Variants in DNAH12 observed in about 807,000 individuals in gnomAD.
The protein encoded by DNAH12 is dynein axonemal heavy chain 12.
Under a neutral mutation model 371.5 loss-of-function variants are expected in DNAH12, and 285 were observed. That is an observed-to-expected ratio of 0.77 (90% CI 0.70 to 0.85). The LOEUF (loss-of-function observed/expected upper bound fraction) is 0.85, where lower values mean the gene tolerates loss of function less well. Among genes scored for constraint, DNAH12 ranks in the 40% least tolerant of loss-of-function variants. The pLI, the probability that DNAH12 is intolerant of heterozygous loss-of-function variation, is 0.00. For synonymous variants in DNAH12, 1,200 were observed against 1,213.0 expected (o/e 0.99, Z 0.22); for missense variants, 3,611 against 3,689.4 (o/e 0.98, Z 0.55).
chr3:57,466,275 A>G (rs372725337), intron 17 of DNAH12, among the ~76,000 whole-genome samples: 1 of 152,214 alleles, frequency 6.6e-6, no homozygotes, highest in Non-Finnish European at 1.5e-5. Context: ...TATATGTAAT[A>G]AAACTCTGGA....
chr3:57,405,995 A>G (rs1166019884), intron 40 of DNAH12, 43 bp from the exon 41 acceptor site: 2 of 1,498,012 alleles, frequency 1.3e-6, no homozygotes, highest in East Asian at 2.5e-5. Flanking sequence ...AAATGCTTAT[A>G]ATCAGTAAAG....
chr3:57,541,103 G>T (rs1313867951), intron 2 of DNAH12, among the ~76,000 whole-genome samples: 2 of 151,062 alleles, frequency 1.3e-5, no homozygotes, highest in African/African-American at 4.9e-5. Flanking sequence ...GCAGTGGTGT[G>T]ATCTCAGCTC....
intron 11 of DNAH12, among the ~76,000 whole-genome samples, chr3:57,494,553 C>A (rs1559718948): frequency 6.6e-6 from 1 of 152,002 alleles, no homozygotes; most frequent in Non-Finnish European, 1.5e-5. Flanking sequence ...CAGAGTGAGA[C>A]CCTGTCTAAA....
At chr3:57,473,741 AAAT>A (rs1458309350) in intron 13 of DNAH12, among the ~76,000 whole-genome samples, 3 of 150,772 alleles carry the variant, frequency 2.0e-5, no homozygotes, top group Admixed American at 6.6e-5. Flanking sequence ...TATGTATTGA[AAAT>A]AACATTAAAT....
At position 57,472,630 on chromosome 3, in the gene DNAH12, T is replaced by C; in HGVS notation, c.1692A>G (p.Leu564=). Residue 564 remains leucine (L), a synonymous_variant, in exon 14 of 74, where the codon CTA becomes CTG. Coordinates refer to ENST00000495027, the MANE Select transcript of DNAH12 (RefSeq NM_001366028.2). ...TTAAAGCTAAGTCTTCTTGAGGAAATAGGAAAACATCTAAAAAGTAACTCA... is the reference window on the plus strand; with the variant it reads ...TTAAAGCTAAGTCTTCTTGAGGAAACAGGAAAACATCTAAAAAGTAACTCA... ...RQMSYFLDVF[L]FPQEDLALNA... is the part of the protein sequence containing the mutation. 1.3e-6 allele frequency: 2 copies of C among 1,551,044 alleles called. No individual in the cohort carries two copies. Among genetic ancestry groups the C allele is most frequent in the African/African-American group, 1.4e-5 (1 of 73,136 alleles).
intron 49 of DNAH12, among the ~76,000 whole-genome samples, chr3:57,384,514 T>G (rs1365674256): frequency 6.6e-6 from 1 of 151,776 alleles, no homozygotes; most frequent in African/African-American, 2.4e-5. Flanking sequence ...CCTAGTGGTG[T>G]GTGTCTGTGA....
chr3:57,533,450 C>T (rs1325910835), intron 2 of DNAH12, among the ~76,000 whole-genome samples: 2 of 152,190 alleles, frequency 1.3e-5, no homozygotes, highest in South Asian at 2.1e-4. Context: ...CTTGGCCTAA[C>T]CTGGATAATT....
intron 35 of DNAH12, among the ~76,000 whole-genome samples, 194 bp from the exon 36 acceptor site, chr3:57,421,900 G>GTTTTTTTTT (rs1383551758): frequency 4.1e-5 from 4 of 97,712 alleles, no homozygotes; most frequent in African/African-American, 1.8e-4. Context: ...ATGTTTGCAT[G>GTTTTTTTTT]TCTTTTTTTT....
intron 66 of DNAH12, among the ~76,000 whole-genome samples, chr3:57,313,573 G>A (rs550239848): frequency 6.6e-6 from 1 of 152,298 alleles, no homozygotes; most frequent in East Asian, 1.9e-4. Flanking sequence ...AGAATAGCTT[G>A]AACTGGGAGG....
In DNAH12 at chr3:57,334,542, T is replaced by G; in HGVS notation, c.9901A>C (p.Lys3301Gln). ...TTCTTATCCATTGGTGCTGGAAATTTAGCATTATGTGGCTCTTTACTGTCA... is the reference window on the plus strand; with the variant it reads ...TTCTTATCCATTGGTGCTGGAAATTGAGCATTATGTGGCTCTTTACTGTCA... ...IYDSKEPHNA[K>Q]FPAPMDKNLN... The change falls in exon 62 of 74, where the codon AAA becomes CAA. Residue 3301 changes from lysine (K) to glutamine (Q), a missense_variant. Lys to Gln is a moderately conservative substitution (Grantham distance 53). This residue lies in a region of DNAH12 where 2,266 missense variants were observed against 2,236.9 expected (regional missense o/e 1.01). Transcript: ENST00000495027. 4 of 1,551,092 alleles carry G rather than the reference T, an allele frequency of 2.6e-6. No individual in the cohort carries two copies. The highest frequency in any genetic ancestry group is 3.5e-6 in the Non-Finnish European group (4 of 1,146,886).
intron 60 of DNAH12, among the ~76,000 whole-genome samples, chr3:57,349,303 CCA>C (rs1441903582): frequency 4.6e-5 from 7 of 152,130 alleles, no homozygotes; most frequent in African/African-American, 7.2e-5. Flanking sequence ...GCAGGAATGG[CCA>C]CACACAAAAA....
At chr3:57,294,171 CT>C (rs1259387940) in intron 73 of DNAH12, among the ~76,000 whole-genome samples, 200 bp from the exon 74 acceptor site, 1 of 124,370 alleles carries the variant, frequency 8.0e-6, no homozygotes, top group South Asian at 2.7e-4. Flanking sequence ...TATTTCTTTT[CT>C]TTTCTTTTTT....
At chr3:57,380,627 GTTAA>G (rs2063369463) in intron 50 of DNAH12, among the ~76,000 whole-genome samples, 1 of 152,070 alleles carries the variant, frequency 6.6e-6, no homozygotes, top group Non-Finnish European at 1.5e-5. Flanking sequence ...ACCACACCTG[GTTAA>G]TTATTGTATT....
intron 39 of DNAH12, among the ~76,000 whole-genome samples, chr3:57,410,558 C>G (rs190093974): frequency 6.6e-6 from 1 of 152,026 alleles, no homozygotes; most frequent in African/African-American, 2.4e-5. Context: ...GTGGCTCATA[C>G]CTGTAATCCC....
At chr3:57,476,232 T>G (rs1257025451) in intron 13 of DNAH12, among the ~76,000 whole-genome samples, 1 of 152,030 alleles carries the variant, frequency 6.6e-6, no homozygotes, top group Non-Finnish European at 1.5e-5. Flanking sequence ...CAAGTTTAAG[T>G]TGTATAACTA....
At chr3:57,409,398 G>A (rs1553682343) in intron 39 of DNAH12, among the ~76,000 whole-genome samples, 2 of 152,094 alleles carry the variant, frequency 1.3e-5, no homozygotes, top group African/African-American at 4.8e-5. Context: ...GTAAATTACG[G>A]TGACATCCAC....
intron 43 of DNAH12, among the ~76,000 whole-genome samples, chr3:57,397,557 G>C (rs1408388165): frequency 1.3e-5 from 2 of 152,180 alleles, no homozygotes; most frequent in Non-Finnish European, 2.9e-5. Flanking sequence ...TGAAACATAG[G>C]TGAGTTCCCT....
intron 20 of DNAH12, 95 bp downstream of exon 20, chr3:57,459,497 G>A: frequency 8.3e-7 from 1 of 1,209,936 alleles, no homozygotes; most frequent in South Asian, 2.8e-5. Flanking sequence ...CAATGAGCAA[G>A]TTTAATTTTT....
intron 62 of DNAH12, among the ~76,000 whole-genome samples, chr3:57,324,641 C>G (rs147440483): frequency 1.3e-5 from 2 of 152,148 alleles, no homozygotes; most frequent in African/African-American, 2.4e-5. Context: ...CAGCGTGAGC[C>G]ACGCAGAAGA....
Sources: gnomAD v4.1 joint callset for allele counts (sites outside exome capture counted in the v4.1 genomes callset) on GRCh38, gnomAD v4.1.1 for gene constraint, gnomAD v4.1.1 regional missense constraint, MANE v1.5 for transcripts, NCBI Gene and HGNC (gene_info 2026-07-23, HGNC 2026-07-21) for gene names.